BANK1: variants seen among roughly 807,000 people sequenced by gnomAD.
BANK1 encodes the protein B cell scaffold protein with ankyrin repeats 1.
BANK1 carries 95 observed loss-of-function variants against 94.5 expected under a neutral mutation model. That is an observed-to-expected ratio of 1.00 (90% CI 0.85 to 1.19). The LOEUF (loss-of-function observed/expected upper bound fraction) is 1.19, where lower values mean the gene tolerates loss of function less well. Ranked by LOEUF, BANK1 falls within the 50% of genes most tolerant of loss-of-function variation. BANK1 has a pLI of 0.00. For synonymous variants in BANK1, 334 were observed against 308.4 expected (o/e 1.08, Z -0.87); for missense variants, 987 against 932.2 (o/e 1.06, Z -0.77).
At chr4:101,999,019 G>C (rs1267174686) in intron 7 of BANK1, among the ~76,000 whole-genome samples, 2 of 152,108 alleles carry the variant, frequency 1.3e-5, no homozygotes, top group Non-Finnish European at 2.9e-5. Context: ...TACATTCTGA[G>C]CTCACCTTTG....
At chr4:102,027,094 A>G (rs1433801681) in intron 9 of BANK1, among the ~76,000 whole-genome samples, 1 of 152,174 alleles carries the variant, frequency 6.6e-6, no homozygotes, top group Non-Finnish European at 1.5e-5. Flanking sequence ...ATGAGGGGAG[A>G]AAACATCATA....
In BANK1 at chr4:101,973,704, A is replaced by G. The variant is rs1310399654; in HGVS notation, c.1207-47810A>G. On this transcript the variant is annotated intron_variant, in intron 7 of 16. Coordinates refer to ENST00000322953, the MANE Select transcript of BANK1 (RefSeq NM_017935.5). ...TATGAAAAAATCCCCAGAGTCACATATAATATAACTCATTTCGGGGTTGTT... is the reference window on the plus strand; with the variant it reads ...TATGAAAAAATCCCCAGAGTCACATGTAATATAACTCATTTCGGGGTTGTT... Among the ~76,000 whole-genome samples the G allele has an allele frequency of 2.0e-5, 3 of 152,094 alleles. No individual in the cohort carries two copies. The East Asian group carries it at 5.8e-4, about 29-fold the overall frequency.
intron 7 of BANK1, among the ~76,000 whole-genome samples, chr4:101,946,542 C>G (rs919230888): frequency 1.3e-5 from 2 of 151,912 alleles, no homozygotes; most frequent in Non-Finnish European, 2.9e-5. Flanking sequence ...GTTTCCATCC[C>G]TCCTGAAATG....
chr4:101,827,598 A>G (rs929859406), intron 1 of BANK1, among the ~76,000 whole-genome samples: 4 of 151,938 alleles, frequency 2.6e-5, no homozygotes, highest in African/African-American at 4.8e-5. Flanking sequence ...TTGTTGTTCT[A>G]TATGTACGTG....
intron 5 of BANK1, 135 bp downstream of exon 5, chr4:101,870,779 A>G: frequency 9.5e-7 from 1 of 1,053,580 alleles, no homozygotes; most frequent in Non-Finnish European, 1.3e-6. Context: ...TAGGAAGGGA[A>G]GAGGCAACCT....
chr4:101,804,950 T>C (rs1256600797), intron 1 of BANK1, among the ~76,000 whole-genome samples: 1 of 152,206 alleles, frequency 6.6e-6, no homozygotes, highest in Non-Finnish European at 1.5e-5. Context: ...ATGTGTGTGT[T>C]TATGCAGTTA....
At chr4:102,060,995 T>G (rs1008279318) in intron 12 of BANK1, among the ~76,000 whole-genome samples, 3 of 152,180 alleles carry the variant, frequency 2.0e-5, no homozygotes, top group African/African-American at 7.2e-5. Context: ...TATTCCTTAG[T>G]GAGAGATAAC....
intron 1 of BANK1, among the ~76,000 whole-genome samples, chr4:101,805,801 T>A (rs1725531832): frequency 6.6e-6 from 1 of 151,796 alleles, no homozygotes; most frequent in African/African-American, 2.4e-5. Context: ...CTCTTTGGTT[T>A]GTGGAAGAGC....
At chr4:101,798,735 GTC>G (rs1725247761) in intron 1 of BANK1, among the ~76,000 whole-genome samples, 1 of 152,172 alleles carries the variant, frequency 6.6e-6, no homozygotes, top group South Asian at 2.1e-4. Context: ...TTTTTCATGT[GTC>G]TGTTGGCTGC....
chr4:101,795,175 G>A (rs1330183953), intron 1 of BANK1, among the ~76,000 whole-genome samples: 1 of 151,938 alleles, frequency 6.6e-6, no homozygotes, highest in East Asian at 1.9e-4. Flanking sequence ...ATAATATAGT[G>A]TCAAGACCAC....
intron 13 of BANK1, among the ~76,000 whole-genome samples, chr4:102,064,870 G>C (rs566344280): frequency 6.6e-6 from 1 of 152,328 alleles, no homozygotes; most frequent in Admixed American, 6.5e-5. Context: ...GTTGAACTGA[G>C]AAGACAGAGA....
At chr4:102,041,580 G>C (rs1038278049) in intron 10 of BANK1, among the ~76,000 whole-genome samples, 2 of 152,028 alleles carry the variant, frequency 1.3e-5, no homozygotes, top group Non-Finnish European at 2.9e-5. Flanking sequence ...AATTAAAAGA[G>C]AACTCAGAGG....
At chr4:101,876,465 A>G (rs1276321742) in intron 5 of BANK1, among the ~76,000 whole-genome samples, 1 of 152,230 alleles carries the variant, frequency 6.6e-6, no homozygotes, top group Non-Finnish European at 1.5e-5. Context: ...CAGTACCTCT[A>G]TGAGTCTGGA....
At chr4:101,908,133 TCA>T (rs1722525929) in intron 6 of BANK1, among the ~76,000 whole-genome samples, 1 of 152,184 alleles carries the variant, frequency 6.6e-6, no homozygotes, top group South Asian at 2.1e-4. Context: ...GCCGGAGGCA[TCA>T]CACTACCTGA....
intron 10 of BANK1, among the ~76,000 whole-genome samples, chr4:102,042,709 G>T (rs929886028): frequency 1.3e-5 from 2 of 151,922 alleles, no homozygotes; most frequent in Admixed American, 1.3e-4. Flanking sequence ...GTTAAAACAC[G>T]TTCACTCCCA....
chr4:101,908,870 C>A (rs1393482365), intron 6 of BANK1, among the ~76,000 whole-genome samples: 1 of 152,168 alleles, frequency 6.6e-6, no homozygotes, highest in Non-Finnish European at 1.5e-5. Flanking sequence ...CCATCTCACA[C>A]CAGTTAGAAT....
At chr4:102,008,920 C>T (rs73834554) in intron 7 of BANK1, among the ~76,000 whole-genome samples, 208 of 152,318 alleles carry the variant, frequency 1.4e-3, no homozygotes, top group African/African-American at 4.1e-3. Flanking sequence ...GCAAGTTCAG[C>T]GGAGAAAAAC....
At chr4:102,044,322 A>G (rs2148956569) in intron 11 of BANK1, among the ~76,000 whole-genome samples, 1 of 152,140 alleles carries the variant, frequency 6.6e-6, no homozygotes, top group African/African-American at 2.4e-5. Context: ...GAGAATGATG[A>G]TTTCCAATTT....
At chr4:101,980,729 A>T (rs1432785717) in intron 7 of BANK1, among the ~76,000 whole-genome samples, 1 of 152,024 alleles carries the variant, frequency 6.6e-6, no homozygotes, top group Non-Finnish European at 1.5e-5. Context: ...ATGTCATCCC[A>T]CTTACCTTCA....
Sources: gnomAD v4.1 joint callset for allele counts (sites outside exome capture counted in the v4.1 genomes callset) on GRCh38, gnomAD v4.1.1 for gene constraint, MANE v1.5 for transcripts, NCBI Gene and HGNC (gene_info 2026-07-23, HGNC 2026-07-21) for gene names.